Variants in TMPRSS4 observed in about 807,000 individuals in gnomAD.
TMPRSS4 encodes the protein transmembrane protease serine 4.
In TMPRSS4, 45 loss-of-function variants were observed where a neutral mutation model predicts 56.4. The ratio of observed to expected loss-of-function variants is 0.80; its 90% CI spans 0.63 to 1.02. TMPRSS4 has a LOEUF of 1.02. TMPRSS4 is among the 50% of genes least tolerant of loss of function. The pLI is 0.00. For synonymous variants in TMPRSS4, 205 were observed against 211.0 expected (o/e 0.97, Z 0.25); for missense variants, 546 against 556.7 (o/e 0.98, Z 0.19).
chr11:118,085,596 A>C (rs141943664), intron 1 of TMPRSS4, among the ~76,000 whole-genome samples: 1 of 152,308 alleles, frequency 6.6e-6, no homozygotes, highest in Non-Finnish European at 1.5e-5. Flanking sequence ...TTTTTAAATT[A>C]ACGTCAGACT....
At chr11:118,077,377 C>T (rs1944736254) in intron 1 of TMPRSS4, 72 bp downstream of exon 1, 2 of 1,494,720 alleles carry the variant, frequency 1.3e-6, no homozygotes, top group Non-Finnish European at 1.8e-6. Flanking sequence ...TTCAAGCAGC[C>T]TGAGCATCCA....
At chr11:118,111,417 G>A (rs12281838) in intron 7 of TMPRSS4, among the ~76,000 whole-genome samples, 4,627 of 152,128 alleles carry the variant, frequency 0.03, 233 homozygotes, top group African/African-American at 0.1. Flanking sequence ...CAGGGCTTTC[G>A]TAATTCTGCA....
intron 8 of TMPRSS4, among the ~76,000 whole-genome samples, chr11:118,112,379 C>CTAT (rs1947319133): frequency 2.2e-5 from 1 of 45,674 alleles, no homozygotes; most frequent in African/African-American, 9.0e-5. Context: ...ACCCCCTTCA[C>CTAT]TTTTTTTTTT....
At chr11:118,115,503 C>T (rs1947499972) in intron 11 of TMPRSS4, 10 of 545,364 alleles carry the variant, frequency 1.8e-5, no homozygotes, top group Middle Eastern at 4.8e-4. Context: ...AGAGAGATTT[C>T]AAATGTCTCT....
chr11:118,113,400 C>T lies in TMPRSS4; in HGVS notation c.875C>T (p.Ala292Val), dbSNP rs779978987. The change falls in exon 9 of 13, where the codon GCC becomes GTC. Residue 292 changes from alanine (A) to valine (V), a missense_variant. Physicochemically the swap from Ala to Val is moderately conservative, Grantham distance 64. Coordinates refer to ENST00000437212, the MANE Select transcript of TMPRSS4 (RefSeq NM_019894.4). ...ATGTACCCCAAAGACAATGACATCG[C>T]CCTCATGAAGCTGCAGTTCCCACTC... Reference protein sequence around the residue: ...NPMYPKDNDIALMKLQFPLTF... With the variant: ...NPMYPKDNDIVLMKLQFPLTF... 3 of 1,614,118 alleles carry T rather than the reference C, an allele frequency of 1.9e-6. No individual in the cohort carries two copies. The highest frequency in any genetic ancestry group is 2.2e-5 in the South Asian group (2 of 91,064).
chr11:118,082,565 A>AG (rs1294576480), intron 1 of TMPRSS4, among the ~76,000 whole-genome samples: 3 of 81,736 alleles, frequency 3.7e-5, no homozygotes, highest in Admixed American at 3.2e-4. Flanking sequence ...GGTCTCAAAA[A>AG]AAAAGAAAGA....
chr11:118,080,941 C>G (rs895579895), intron 1 of TMPRSS4, among the ~76,000 whole-genome samples: 1 of 152,198 alleles, frequency 6.6e-6, no homozygotes. Context: ...ACAGTGAACT[C>G]CTCCAAACCT....
chr11:118,097,125 G>A (rs1288633484), intron 2 of TMPRSS4, among the ~76,000 whole-genome samples: 3 of 150,300 alleles, frequency 2.0e-5, no homozygotes, highest in African/African-American at 7.3e-5. Flanking sequence ...ATCTGTTCAG[G>A]TGACAAATAT....
At chr11:118,099,318 C>A in intron 3 of TMPRSS4, 1 of 443,644 alleles carries the variant, frequency 2.3e-6, no homozygotes, top group East Asian at 3.7e-5. Context: ...GTCCTTCACC[C>A]CCTCAGTAAG....
chr11:118,088,948 G>A (rs1005626851), intron 1 of TMPRSS4, among the ~76,000 whole-genome samples: 3 of 152,092 alleles, frequency 2.0e-5, no homozygotes, highest in African/African-American at 7.2e-5. Context: ...TGATCATGGC[G>A]GGGACCCACC....
chr11:118,098,914 G>A (rs1946563869), intron 2 of TMPRSS4, 71 bp from the exon 3 acceptor site: 1 of 1,229,236 alleles, frequency 8.1e-7, no homozygotes, highest in East Asian at 2.4e-5. Context: ...GCAGGAGGCT[G>A]TGGAGTTTGG....
At chr11:118,095,470 G>T (rs948464) in intron 2 of TMPRSS4, 137,405 of 153,006 alleles carry the variant, frequency 0.9, 61,896 homozygotes, top group Non-Finnish European at 0.93. Flanking sequence ...GACGGGCTAT[G>T]TATTTCTCAG....
At chr11:118,124,409 AAAAC>A (rs1363300398), downstream of TMPRSS4, among the ~76,000 whole-genome samples, 5 of 151,722 alleles carry the variant, frequency 3.3e-5, no homozygotes, top group East Asian at 2.0e-4. Context: ...AAAACAAAAC[AAAAC>A]AAACAAACAA....
At chr11:118,110,533 C>T (rs192914099) in intron 7 of TMPRSS4, among the ~76,000 whole-genome samples, 100 of 152,130 alleles carry the variant, frequency 6.6e-4, no homozygotes, top group Admixed American at 2.7e-3. Context: ...CCACCATGCC[C>T]GGCTAATTTT....
Position 118,103,150 on chromosome 11 carries a change from C to T in TMPRSS4, c.207C>T (p.His69=), listed in dbSNP as rs1946804440. The part of the protein sequence containing the change: ...KYYFLCGQPL[H]FIPRKQLCDG... ...ACTTCCTCTGCGGGCAGCCTCTCCA[C>T]TTCATCCCGAGGAAGCAGCTGTGTG... The change falls in exon 4 of 13, where the codon CAC becomes CAT. Residue 69 remains histidine (H), a synonymous_variant. Transcript: ENST00000437212. The T allele has an allele frequency of 1.9e-6, 3 of 1,614,138 alleles. No individual in the cohort carries two copies. Among genetic ancestry groups the T allele is most frequent in the Admixed American group, 3.3e-5 (2 of 60,014 alleles).
downstream of TMPRSS4, chr11:118,125,170 C>G (rs1253562412): frequency 2.3e-6 from 1 of 429,096 alleles, no homozygotes; most frequent in South Asian, 1.7e-5. Context: ...CTGACTTCCC[C>G]AGGGCTTCCG....
At chr11:118,101,385 G>T (rs1267524744) in intron 3 of TMPRSS4, among the ~76,000 whole-genome samples, 1 of 152,132 alleles carries the variant, frequency 6.6e-6, no homozygotes, top group Admixed American at 6.5e-5. Flanking sequence ...GTCCCATCAG[G>T]CCAAGACAGA....
intron 2 of TMPRSS4, among the ~76,000 whole-genome samples, chr11:118,098,474 C>T (rs527812982): frequency 1.3e-5 from 2 of 152,364 alleles, no homozygotes; most frequent in East Asian, 3.9e-4. Context: ...AGGCTAGGGA[C>T]TTGCTGTTTG....
intron 1 of TMPRSS4, among the ~76,000 whole-genome samples, chr11:118,083,081 C>T (rs1945280403): frequency 6.6e-6 from 1 of 152,268 alleles, no homozygotes; most frequent in Middle Eastern, 3.4e-3. Context: ...GGGGCTCGGT[C>T]GAATCCCCCA....
Sources: gnomAD v4.1 joint callset for allele counts (sites outside exome capture counted in the v4.1 genomes callset) on GRCh38, gnomAD v4.1.1 for gene constraint, MANE v1.5 for transcripts, NCBI Gene and HGNC (gene_info 2026-07-23, HGNC 2026-07-21) for gene names.